XXYLT1: variants seen among roughly 807,000 people sequenced by gnomAD.
XXYLT1 encodes the protein UDP-xylose:alpha-xyloside alpha-1,3-xylosyltransferase.
A neutral mutation model predicts 28.9 loss-of-function variants in XXYLT1; 20 were observed. The ratio of observed to expected loss-of-function variants is 0.69; its 90% CI spans 0.49 to 1.00. XXYLT1 has a LOEUF of 1.00. Among genes scored for constraint, XXYLT1 ranks in the 50% least tolerant of loss-of-function variants. The pLI is 0.00. For synonymous variants in XXYLT1, 257 were observed against 253.8 expected, an observed-to-expected ratio of 1.01 and a Z score of -0.12; for missense variants, 542 against 560.1, an observed-to-expected ratio of 0.97 and a Z score of 0.33.
rs1020649147 is a variant in XXYLT1, at chr3:195,150,635, A to G, written c.785+5814T>C. On this transcript the variant is annotated intron_variant, in intron 3 of 3. Coordinates refer to ENST00000310380, the MANE Select transcript of XXYLT1 (RefSeq NM_152531.5). This position sits in a 1 kb window ranked among gnomAD's most constrained non-coding sequence, Gnocchi z 4.7. ...CTCCTCAGGGTGGGCCGGGGCTCAC[A>G]CAGCACACGGCTGCCCGCAGAGCCT... is the stretch of plus-strand genomic sequence containing the variant. Among the ~76,000 whole-genome samples the G allele has an allele frequency of 6.6e-6, 1 of 152,208 alleles. No individual in the cohort carries two copies. The highest frequency in any genetic ancestry group is 1.5e-5 in the Non-Finnish European group (1 of 68,026).
At chr3:195,109,605 G>A (rs1717358835) in intron 3 of XXYLT1, among the ~76,000 whole-genome samples, 2 of 70,080 alleles carry the variant, frequency 2.9e-5, no homozygotes, top group Admixed American at 1.5e-4. Context: ...TGTGTGTGGT[G>A]TGTGTTGTAT....
intron 1 of XXYLT1, among the ~76,000 whole-genome samples, chr3:195,254,302 C>T (rs1268992861): frequency 6.6e-6 from 1 of 152,232 alleles, no homozygotes; most frequent in African/African-American, 2.4e-5. Flanking sequence ...CTCACCCTCC[C>T]AACCACAGGA....
intron 1 of XXYLT1, among the ~76,000 whole-genome samples, chr3:195,258,558 C>A (rs867718973): frequency 6.6e-6 from 1 of 152,194 alleles, no homozygotes; most frequent in Non-Finnish European, 1.5e-5. Flanking sequence ...GTCATCTACA[C>A]AAGACTACAA....
At chr3:195,235,620 T>C (rs1724502044) in intron 1 of XXYLT1, among the ~76,000 whole-genome samples, 1 of 152,196 alleles carries the variant, frequency 6.6e-6, no homozygotes, top group South Asian at 2.1e-4. Flanking sequence ...GTATTTATTG[T>C]AGTCTTTGCA....
At chr3:195,099,394 GC>G (rs1369135638) in intron 3 of XXYLT1, among the ~76,000 whole-genome samples, 1 of 151,994 alleles carries the variant, frequency 6.6e-6, no homozygotes. Context: ...TCCCAAACCA[GC>G]ACCACCATCT....
In XXYLT1 at chr3:195,133,690, C is replaced by A. The variant is rs754520794; in HGVS notation, c.785+22759G>T. 6.6e-6 allele frequency among the ~76,000 whole-genome samples: 1 copy of A among 152,146 alleles called. No individual in the cohort carries two copies. The highest frequency in any genetic ancestry group is 1.5e-5 in the Non-Finnish European group (1 of 68,028). On this transcript the variant is annotated intron_variant, in intron 3 of 3. Coordinates refer to ENST00000310380, the MANE Select transcript of XXYLT1 (RefSeq NM_152531.5). This position sits in a 1 kb window ranked among gnomAD's most constrained non-coding sequence, Gnocchi z 4.4. ...ATGCAGCATTGTATACAGTCACGCA[C>A]CACGTGACGACGTTGCAGTCAACGA... is the stretch of plus-strand genomic sequence containing the variant.
At chr3:195,266,185 T>C (rs1474713072) in intron 1 of XXYLT1, among the ~76,000 whole-genome samples, 1 of 152,126 alleles carries the variant, frequency 6.6e-6, no homozygotes, top group African/African-American at 2.4e-5. Context: ...AGGTTCTGAA[T>C]GGAAGCGATA....
intron 3 of XXYLT1, among the ~76,000 whole-genome samples, chr3:195,114,934 G>A (rs1051250400): frequency 1.3e-5 from 2 of 152,324 alleles, no homozygotes; most frequent in East Asian, 1.9e-4. Flanking sequence ...CACCGGGGTC[G>A]GCCTGGGCGC....
At chr3:195,203,621 G>T (rs963178858) in intron 2 of XXYLT1, among the ~76,000 whole-genome samples, 2 of 152,226 alleles carry the variant, frequency 1.3e-5, no homozygotes, top group Non-Finnish European at 2.9e-5. Flanking sequence ...GGCCTTTAAA[G>T]TAAGGAGCAA....
chr3:195,108,582 G>A (rs1327857899), intron 3 of XXYLT1, among the ~76,000 whole-genome samples: 3 of 152,222 alleles, frequency 2.0e-5, no homozygotes, highest in African/African-American at 2.4e-5. Context: ...AACACACAGA[G>A]TGACTTCCAC....
At chr3:195,112,610 C>CAT (rs1717820481) in intron 3 of XXYLT1, among the ~76,000 whole-genome samples, 1 of 95,194 alleles carries the variant, frequency 1.1e-5, no homozygotes, top group African/African-American at 2.8e-5. Flanking sequence ...TGCACACACA[C>CAT]GCACACATGT....
intron 3 of XXYLT1, among the ~76,000 whole-genome samples, chr3:195,089,485 T>C (rs1716010035): frequency 6.6e-6 from 1 of 151,918 alleles, no homozygotes; most frequent in Non-Finnish European, 1.5e-5. Flanking sequence ...CTGAGAGATT[T>C]TGTCACCACC....
chr3:195,095,419 G>A (rs9843276), intron 3 of XXYLT1: 1 of 153,918 alleles, frequency 6.5e-6, no homozygotes, highest in Non-Finnish European at 1.5e-5. Context: ...CCACCATCTG[G>A]GACTGGGGCC....
intron 3 of XXYLT1, among the ~76,000 whole-genome samples, chr3:195,098,177 G>T (rs895215322): frequency 1.3e-5 from 2 of 152,290 alleles, no homozygotes; most frequent in Non-Finnish European, 2.9e-5. Flanking sequence ...TCTGTTTGGG[G>T]TGATGCACAT....
chr3:195,079,093 C>T (rs1333679815), intron 3 of XXYLT1, among the ~76,000 whole-genome samples: 3 of 152,210 alleles, frequency 2.0e-5, no homozygotes, highest in Non-Finnish European at 2.9e-5. Flanking sequence ...ATTTGCATCT[C>T]CCGGCCCCTT....
Position 195,180,593 on chromosome 3 carries a change from G to A in XXYLT1, c.653-24012C>T. On this transcript the variant is annotated intron_variant, in intron 2 of 3. Coordinates refer to ENST00000310380, the MANE Select transcript of XXYLT1 (RefSeq NM_152531.5). This position sits in a 1 kb window ranked among gnomAD's most constrained non-coding sequence, Gnocchi z 5.8. ...AAGGCCCTTCCCAGCCCTCTCCAGA[G>A]CGTGATGTGGCCCCGTCTGGCTAAG... The A allele has an allele frequency of 1.0e-6, 1 of 978,702 alleles. No homozygotes were observed. The highest frequency in any genetic ancestry group is 1.2e-6 in the Non-Finnish European group (1 of 823,776). 60.6% of individuals were successfully genotyped at this position (978,702 alleles called of 1,614,324 possible).
At chr3:195,095,112 G>T (rs1013410678) in intron 3 of XXYLT1, among the ~76,000 whole-genome samples, 1 of 152,242 alleles carries the variant, frequency 6.6e-6, no homozygotes, top group African/African-American at 2.4e-5. Context: ...GAAGGTGGAG[G>T]TAAGAGTGAG....
In XXYLT1 at chr3:195,105,443, C is replaced by T. The variant is rs114968682; in HGVS notation, c.786-35332G>A. ...TAAGAGAAACAGACATATCTACACA[C>T]CGTATCATCATCTCGTCTGACTTAC... On this transcript the variant is annotated intron_variant, in intron 3 of 3. Coordinates refer to ENST00000310380, the MANE Select transcript of XXYLT1 (RefSeq NM_152531.5). Among the ~76,000 whole-genome samples the T allele has an allele frequency of 2.9e-3, 438 of 152,346 alleles. 3 individuals are homozygous for T. Among genetic ancestry groups the T allele is most frequent in the African/African-American group, 0.01 (419 of 41,586 alleles).
intron 2 of XXYLT1, among the ~76,000 whole-genome samples, chr3:195,170,575 T>C (rs1721357499): frequency 6.6e-6 from 1 of 152,228 alleles, no homozygotes; most frequent in African/African-American, 2.4e-5. Context: ...CCTGGCTTCG[T>C]TTCCTGTCAT....
Sources: allele counts gnomAD v4.1 joint callset (sites outside exome capture counted in the v4.1 genomes callset), GRCh38; gene constraint gnomAD v4.1.1; non-coding constraint Gnocchi (gnomAD v3.1); transcripts MANE v1.5; gene names NCBI Gene and HGNC (gene_info 2026-07-23, HGNC 2026-07-21).